The following DOCK5 variants were observed in gnomAD, a reference collection of about 807,000 sequenced individuals.
The protein encoded by DOCK5 is dedicator of cytokinesis protein 5.
Under a neutral mutation model 251.8 loss-of-function variants are expected in DOCK5, and 142 were observed. The observed-to-expected ratio is 0.56, with a 90% CI of 0.49 to 0.65. The LOEUF is 0.65. DOCK5 is among the 30% of genes least tolerant of loss of function. The pLI is 0.00. For missense variants in DOCK5, 2,111 were observed against 2,312.3 expected (o/e 0.91, Z 1.79); for synonymous variants, 842 against 835.5 (o/e 1.01, Z -0.13).
At chr8:25,218,634 C>T (rs1802309186) in intron 1 of DOCK5, among the ~76,000 whole-genome samples, 1 of 152,130 alleles carries the variant, frequency 6.6e-6, no homozygotes, top group African/African-American at 2.4e-5. Flanking sequence ...GGGCAATGGA[C>T]AATGCAGGAG....
chr8:25,343,734 G>A (rs1800306814), intron 25 of DOCK5, among the ~76,000 whole-genome samples: 1 of 152,316 alleles, frequency 6.6e-6, no homozygotes, highest in South Asian at 2.1e-4. Context: ...TATCACATTA[G>A]TAGCTGGAAA....
At chr8:25,335,782 T>C (rs979898823) in intron 21 of DOCK5, among the ~76,000 whole-genome samples, 3 of 152,132 alleles carry the variant, frequency 2.0e-5, no homozygotes, top group African/African-American at 7.2e-5. Flanking sequence ...CTTTCTTCAC[T>C]CCATAAAGTT....
chr8:25,408,653 T>G (rs1281584990), intron 49 of DOCK5, 149 bp from the exon 50 acceptor site: 1 of 813,650 alleles, frequency 1.2e-6, no homozygotes, highest in Non-Finnish European at 2.0e-6. Context: ...GCCTGTTCGG[T>G]GTTGCCCATC....
intron 2 of DOCK5, among the ~76,000 whole-genome samples, chr8:25,250,316 A>G (rs534784124): frequency 4.6e-5 from 7 of 152,356 alleles, no homozygotes; most frequent in African/African-American, 1.4e-4. Flanking sequence ...CTCATCCGTT[A>G]CAGGTCTCCA....
chr8:25,322,744 C>T (rs949773415), intron 16 of DOCK5, among the ~76,000 whole-genome samples: 1 of 152,212 alleles, frequency 6.6e-6, no homozygotes, highest in African/African-American at 2.4e-5. Context: ...TGCCTGTGGT[C>T]ACAAGGCTAG....
intron 5 of DOCK5, among the ~76,000 whole-genome samples, chr8:25,279,759 C>T (rs952688897): frequency 2.5e-4 from 38 of 151,752 alleles, no homozygotes; most frequent in Admixed American, 5.9e-4. Flanking sequence ...GGACTATAGG[C>T]GTGTGCCACC....
intron 45 of DOCK5, among the ~76,000 whole-genome samples, chr8:25,396,213 C>G (rs1370480878): frequency 6.6e-6 from 1 of 152,158 alleles, no homozygotes; most frequent in Non-Finnish European, 1.5e-5. Context: ...AACCGCGTCT[C>G]TACTAAAAAT....
rs781038505 is a variant in DOCK5, at chr8:25,332,339, G to C, written c.1992G>C (p.Glu664Asp). ...LKKLMEVDGG[E>D]IVKFLQDTLD... ...AGTTAATGGAAGTGGATGGAGGAGA[G>C]ATTGTTAAGGTATGTTTATATATTC... Residue 664 changes from glutamate (E) to aspartate (D), a missense_variant, in exon 19 of 52, where the codon GAG becomes GAC. Glu to Asp is a conservative substitution (Grantham distance 45). Around this residue, in one of 3 missense-constraint regions of DOCK5, gnomAD observed 1,717 missense variants for 1,892.4 expected, o/e 0.91. Coordinates refer to ENST00000276440, the MANE Select transcript of DOCK5 (RefSeq NM_024940.8). 3 of 1,612,376 alleles carry C rather than the reference G, an allele frequency of 1.9e-6. No individual in the cohort carries two copies. The highest frequency in any genetic ancestry group is 1.1e-5 in the South Asian group (1 of 91,038).
chr8:25,193,189 C>T (rs1801630104), intron 1 of DOCK5, among the ~76,000 whole-genome samples: 1 of 152,090 alleles, frequency 6.6e-6, no homozygotes, highest in African/African-American at 2.4e-5. Flanking sequence ...TTCCTGTGAG[C>T]CTCTGGTCAC....
rs146502653 is a variant in DOCK5 at position 25,356,525 on chromosome 8, G to A, written c.2851-2438G>A. ...AAAAAAAATACACAAAAATTAGCCA[G>A]GCATGGTGACATGCGCCTGTAATCC... On this transcript the variant is annotated intron_variant, in intron 27 of 51. Coordinates refer to ENST00000276440, the MANE Select transcript of DOCK5 (RefSeq NM_024940.8). 4.8e-4 allele frequency among the ~76,000 whole-genome samples: 73 copies of A among 152,128 alleles called. 1 individual carries two copies. The highest frequency in any genetic ancestry group is 1.7e-3 in the African/African-American group (70 of 41,508).
intron 12 of DOCK5, 112 bp from the exon 13 acceptor site, chr8:25,310,295 C>A: frequency 1.8e-6 from 2 of 1,107,370 alleles, no homozygotes; most frequent in Non-Finnish European, 2.5e-6. Flanking sequence ...GGAGAATTTA[C>A]ATCTTTACAG....
At chr8:25,217,763 T>G (rs552280415) in intron 1 of DOCK5, among the ~76,000 whole-genome samples, 51 of 152,324 alleles carry the variant, frequency 3.3e-4, no homozygotes, top group Middle Eastern at 6.8e-3. Context: ...GACATTAATC[T>G]AACATTGAAT....
At chr8:25,314,122 T>A (rs1805172661) in intron 13 of DOCK5, among the ~76,000 whole-genome samples, 1 of 149,936 alleles carries the variant, frequency 6.7e-6, no homozygotes, top group Admixed American at 6.7e-5. Context: ...TTTTTTTTTT[T>A]TTTTTTGAGG....
intron 13 of DOCK5, among the ~76,000 whole-genome samples, chr8:25,316,732 C>A (rs1697491785): frequency 6.6e-6 from 1 of 152,104 alleles, no homozygotes; most frequent in African/African-American, 2.4e-5. Flanking sequence ...ACAATATATA[C>A]TATGTATTTA....
At chr8:25,195,698 G>A (rs73556397) in intron 1 of DOCK5, among the ~76,000 whole-genome samples, 21,813 of 152,176 alleles carry the variant, frequency 0.14, 2,547 homozygotes, top group African/African-American at 0.33. Flanking sequence ...CTTAGAGAGA[G>A]CCTTCTCTGA....
intron 2 of DOCK5, among the ~76,000 whole-genome samples, chr8:25,249,032 G>C (rs1164051430): frequency 6.6e-6 from 1 of 152,096 alleles, no homozygotes; most frequent in Non-Finnish European, 1.5e-5. Context: ...ACAGGGTCTT[G>C]CTGTCCCCCA....
chr8:25,205,061 A>T (rs1361725934), intron 1 of DOCK5, among the ~76,000 whole-genome samples: 2 of 151,952 alleles, frequency 1.3e-5, no homozygotes, highest in Admixed American at 1.3e-4. Context: ...AATGTCTTTT[A>T]TTAAAAAGTT....
intron 27 of DOCK5, 62 bp downstream of exon 27, chr8:25,351,888 G>C (rs1180584474): frequency 7.1e-7 from 1 of 1,413,610 alleles, no homozygotes; most frequent in Non-Finnish European, 9.9e-7. Flanking sequence ...TTGCCTATCG[G>C]GAGGCCTTCG....
chr8:25,355,969 G>A (rs1159473963), intron 27 of DOCK5, among the ~76,000 whole-genome samples: 1 of 149,952 alleles, frequency 6.7e-6, no homozygotes, highest in Non-Finnish European at 1.5e-5. Flanking sequence ...GAGGCGGGCA[G>A]ATCATGAGGT....
Sources: allele counts gnomAD v4.1 joint callset (sites outside exome capture counted in the v4.1 genomes callset), GRCh38; gene constraint gnomAD v4.1.1; regional missense constraint gnomAD v4.1.1; transcripts MANE v1.5; gene names NCBI Gene and HGNC (gene_info 2026-07-23, HGNC 2026-07-21).